AFF4: variants seen among roughly 807,000 people sequenced by gnomAD.
The protein encoded by AFF4 is ALF transcription elongation factor 4, also known as AF4/FMR2 family member 4.
Under a neutral mutation model 124.8 loss-of-function variants are expected in AFF4, and 13 were observed. The ratio of observed to expected loss-of-function variants is 0.10; its 90% CI spans 0.07 to 0.17. AFF4 has a LOEUF of 0.17. AFF4 is among the 10% of genes least tolerant of loss of function. The pLI is 1.00. For synonymous variants in AFF4, 477 were observed against 496.1 expected (o/e 0.96, Z 0.51); for missense variants, 1,092 against 1,403.8 (o/e 0.78, Z 3.55).
At chr5:132,886,506 T>C (rs2150065703) in intron 17 of AFF4, 103 bp from the exon 18 acceptor site, 2 of 989,086 alleles carry the variant, frequency 2.0e-6, no homozygotes, top group Non-Finnish European at 1.6e-6. Context: ...CATGTGACCA[T>C]GGCATAGGCC....
chr5:132,916,004 C>T (rs978387419), intron 5 of AFF4, among the ~76,000 whole-genome samples: 17 of 151,792 alleles, frequency 1.1e-4, no homozygotes, highest in Non-Finnish European at 2.1e-4. Context: ...TCTGTAACCC[C>T]AGTACTTTGG....
At chr5:132,961,140 G>A (rs191932295) in intron 1 of AFF4, among the ~76,000 whole-genome samples, 1 of 152,016 alleles carries the variant, frequency 6.6e-6, no homozygotes, top group African/African-American at 2.4e-5. Context: ...CAGGAGAATC[G>A]CTTGAACCCA....
chr5:132,959,222 T>A (rs1048973979), intron 1 of AFF4, among the ~76,000 whole-genome samples: 1 of 151,266 alleles, frequency 6.6e-6, no homozygotes, highest in Admixed American at 6.6e-5. Context: ...GCCTCCCAGG[T>A]TCAAGCGATT....
At chr5:132,935,422 T>C (rs1249221233) in intron 2 of AFF4, among the ~76,000 whole-genome samples, 1 of 152,130 alleles carries the variant, frequency 6.6e-6, no homozygotes, top group Non-Finnish European at 1.5e-5. Flanking sequence ...TGTCAGGAGT[T>C]CCAGACCAGC....
rs547426140 is a variant in AFF4 at position 132,932,426 on chromosome 5, G to A, written c.919-204C>T. On this transcript the variant is annotated intron_variant, in intron 3 of 20. Transcript: ENST00000265343. Reference sequence around the variant, plus strand: ...ATCACCAAACTATACAAAGCTGGGGGAACTTTATAGTTTTCAAAGGTTTTA... The same window carrying A: ...ATCACCAAACTATACAAAGCTGGGGAAACTTTATAGTTTTCAAAGGTTTTA... Among the ~76,000 whole-genome samples the A allele has an allele frequency of 5.3e-5, 8 of 152,226 alleles. No individual in the cohort carries two copies. The South Asian group carries it at 1.7e-3, about 32-fold the overall frequency.
At chr5:132,945,010 A>C (rs758063399) in intron 1 of AFF4, 1 of 183,424 alleles carries the variant, frequency 5.5e-6, no homozygotes, top group South Asian at 1.3e-4. Context: ...GGACCTGGCA[A>C]TATCATCGAG....
chr5:132,937,898 A>G (rs1231178214), intron 1 of AFF4, among the ~76,000 whole-genome samples: 8 of 152,206 alleles, frequency 5.3e-5, no homozygotes, highest in Admixed American at 1.3e-4. Flanking sequence ...GAGTGAGGGG[A>G]AAATGGAAGT....
chr5:132,909,573 A>T (rs1760747039), intron 5 of AFF4, among the ~76,000 whole-genome samples: 1 of 152,174 alleles, frequency 6.6e-6, no homozygotes, highest in African/African-American at 2.4e-5. Context: ...AGATAGAGAG[A>T]TTAAAAAGAG....
intron 1 of AFF4, chr5:132,944,049 TG>T: frequency 6.5e-6 from 1 of 152,692 alleles, no homozygotes; most frequent in South Asian, 2.1e-4. Context: ...AAACAGTTGC[TG>T]TGAGTGTCAT....
chr5:132,938,756 A>C (rs1249366901), intron 1 of AFF4, among the ~76,000 whole-genome samples: 2 of 151,594 alleles, frequency 1.3e-5, no homozygotes, highest in South Asian at 2.1e-4. Flanking sequence ...ATCCTGGCTA[A>C]CACGGTGAAA....
chr5:132,884,191 AAAAG>A (rs1276554539), intron 19 of AFF4, among the ~76,000 whole-genome samples: 1 of 152,180 alleles, frequency 6.6e-6, no homozygotes, highest in Non-Finnish European at 1.5e-5. Context: ...ATCACACACT[AAAAG>A]AAAGGAAAAA....
chr5:132,908,523 T>G (rs1760719505), intron 5 of AFF4, among the ~76,000 whole-genome samples: 1 of 151,870 alleles, frequency 6.6e-6, no homozygotes, highest in South Asian at 2.1e-4. Flanking sequence ...TGTAAATCAT[T>G]TAGAAAAATA....
chr5:132,923,061 A>C (rs1194754465), intron 5 of AFF4, among the ~76,000 whole-genome samples: 2 of 152,194 alleles, frequency 1.3e-5, no homozygotes, highest in South Asian at 2.1e-4. Context: ...CTGTAGTCCC[A>C]GCTACTCAGG....
intron 2 of AFF4, 67 bp downstream of exon 2, chr5:132,937,000 G>A: frequency 1.3e-6 from 2 of 1,539,644 alleles, no homozygotes; most frequent in Admixed American, 1.9e-5. Flanking sequence ...ACATTCAAGT[G>A]TGAAACATTT....
intron 1 of AFF4, among the ~76,000 whole-genome samples, chr5:132,939,538 T>C (rs140732168): frequency 2.0e-5 from 3 of 152,352 alleles, no homozygotes; most frequent in African/African-American, 4.8e-5. Flanking sequence ...TACAAAGTTA[T>C]TTATACCTGA....
At chr5:132,891,307 T>C (rs1197658606) in intron 13 of AFF4, among the ~76,000 whole-genome samples, 2 of 152,144 alleles carry the variant, frequency 1.3e-5, no homozygotes, top group Non-Finnish European at 2.9e-5. Context: ...AAAATTTTAA[T>C]TTTACCAGTT....
At chr5:132,915,480 C>T (rs1244969263) in intron 5 of AFF4, among the ~76,000 whole-genome samples, 2 of 152,044 alleles carry the variant, frequency 1.3e-5, no homozygotes, top group Non-Finnish European at 2.9e-5. Context: ...TGAAACCACC[C>T]TCACAGGGTT....
chr5:132,923,255 G>A (rs1196681335), intron 5 of AFF4, among the ~76,000 whole-genome samples: 2 of 152,050 alleles, frequency 1.3e-5, no homozygotes, highest in African/African-American at 2.4e-5. Flanking sequence ...GGAGGCTGAG[G>A]CAGGAGGATC....
At chr5:132,904,930 T>A (rs564621168) in intron 5 of AFF4, among the ~76,000 whole-genome samples, 21 of 151,284 alleles carry the variant, frequency 1.4e-4, no homozygotes, top group African/African-American at 5.1e-4. Flanking sequence ...GCACCTGTAG[T>A]CCCAGCTACT....
Sources: gnomAD v4.1 joint callset for allele counts (sites outside exome capture counted in the v4.1 genomes callset) on GRCh38, gnomAD v4.1.1 for gene constraint, MANE v1.5 for transcripts, NCBI Gene and HGNC (gene_info 2026-07-23, HGNC 2026-07-21) for gene names.